The following ZBTB20 variants were observed in gnomAD, a reference collection of about 807,000 sequenced individuals.
The protein encoded by ZBTB20 is zinc finger and BTB domain-containing protein 20.
Under a neutral mutation model 56.9 loss-of-function variants are expected in ZBTB20, and 9 were observed. The observed-to-expected ratio is 0.16, with a 90% CI of 0.10 to 0.28. The LOEUF is 0.28. ZBTB20 is among the 10% of genes least tolerant of loss of function. ZBTB20 has a pLI of 1.00. For synonymous variants in ZBTB20, 417 were observed against 420.7 expected, an observed-to-expected ratio of 0.99 and a Z score of 0.11; for missense variants, 655 against 1,003.0, an observed-to-expected ratio of 0.65 and a Z score of 4.69.
rs548301141 is a variant in ZBTB20 at position 114,791,531 on chromosome 3, G to A, written c.-343+9570C>T. On this transcript the variant is annotated intron_variant, in intron 5 of 11. Transcript: ENST00000675478. ...GTTAGATGTGGAACCCAGGTTCATA[G>A]CTGTACCTGCCAACCCTAACCTAGA... Among the ~76,000 whole-genome samples, 8 of 152,244 alleles carry A rather than the reference G, an allele frequency of 5.3e-5. No individual in the cohort carries two copies. In the East Asian group the frequency reaches 1.5e-3, roughly 29 times the overall value.
Position 114,515,125 on chromosome 3 carries a change from G to A in ZBTB20, c.-294-14734C>T, listed in dbSNP as rs1050899421. On this transcript the variant is annotated intron_variant, in intron 6 of 11. Transcript: ENST00000675478. ...ATTCTACTTTCTGCATTTTCTCTGA[G>A]ACCTGTCGCATAAGACTTGTTTTGT... 3.9e-5 allele frequency among the ~76,000 whole-genome samples: 6 copies of A among 152,172 alleles called. No individual in the cohort carries two copies. The South Asian group carries it at 8.3e-4, about 21-fold the overall frequency.
chr3:114,870,773 C>T (rs1346019927), intron 4 of ZBTB20, among the ~76,000 whole-genome samples: 11 of 152,098 alleles, frequency 7.2e-5, no homozygotes, highest in Admixed American at 7.2e-4. Flanking sequence ...TTATTCTCCA[C>T]ATGGACAACC....
At position 114,324,700 on chromosome 3, in the gene ZBTB20, TAAG is replaced by T. The variant is rs1414850614; in HGVS notation, c.*14302_*14304del. On this transcript the variant is annotated 3_prime_UTR_variant, in exon 12 of 12. Coordinates refer to ENST00000675478, the MANE Select transcript of ZBTB20 (RefSeq NM_001348800.3). ...TTGTACCTCTTCTTGTGTTATTCCA[TAAG>T]AAGAAAAAACATTCATAGTAGGATT... 3 of 152,156 alleles carry T rather than the reference TAAG, an allele frequency of 2.0e-5. No homozygotes were observed. The allele number at this position is 152,156 out of a possible 1,614,324, so 9.4% of individuals were successfully genotyped here.
At chr3:114,483,858 T>C (rs2041822249) in intron 7 of ZBTB20, among the ~76,000 whole-genome samples, 1 of 152,066 alleles carries the variant, frequency 6.6e-6, no homozygotes, top group Non-Finnish European at 1.5e-5. Flanking sequence ...AACATAATTA[T>C]AGGCCACCTT....
rs1392263160 is a variant in ZBTB20, at chr3:114,317,636, T to C, written c.*21369A>G. On this transcript the variant is annotated 3_prime_UTR_variant, in exon 12 of 12. Coordinates refer to ENST00000675478, the MANE Select transcript of ZBTB20 (RefSeq NM_001348800.3). The stretch of plus-strand genomic sequence containing the variant: ...GGGAATGTGTTAAACAAAAGTTACT[T>C]CTCAAACGATGCCCAAATCTTCCAC... 6.6e-6 allele frequency: 1 copy of C among 152,180 alleles called. No homozygotes were observed. The highest frequency in any genetic ancestry group is 6.5e-5 in the Admixed American group (1 of 15,286). 9.4% of individuals were successfully genotyped at this position (152,180 alleles called of 1,614,324 possible).
chr3:114,881,274 T>G (rs1032165923), intron 4 of ZBTB20, among the ~76,000 whole-genome samples: 5 of 152,090 alleles, frequency 3.3e-5, no homozygotes, highest in African/African-American at 1.2e-4. Context: ...CTGCTTTTTA[T>G]GCTTACAAAA....
Position 114,333,682 on chromosome 3 carries a change from C to CT in ZBTB20, c.*5322dup, listed in dbSNP as rs1271973153. On this transcript the variant is annotated 3_prime_UTR_variant, in exon 12 of 12. Transcript: ENST00000675478. ...TCCTATTTTTCTTTTTTTTTAATTT[C>CT]TTTTTCTGAGGAACAAAATTGGCCA... The CT allele has an allele frequency of 1.3e-5, 2 of 151,448 alleles. No individual in the cohort carries two copies. Among genetic ancestry groups the CT allele is most frequent in the African/African-American group, 4.8e-5 (2 of 41,254 alleles). 9.4% of individuals were successfully genotyped at this position (151,448 alleles called of 1,614,324 possible). A position where few individuals can be genotyped will look rare whatever the true frequency, so the allele number is the denominator to read the frequency against.
chr3:114,487,003 A>C (rs1174498232), intron 7 of ZBTB20, among the ~76,000 whole-genome samples: 1 of 152,228 alleles, frequency 6.6e-6, no homozygotes, highest in African/African-American at 2.4e-5. Context: ...TAATTTTATC[A>C]CTGCAAAGAC....
chr3:114,390,511 T>G (rs1278305084), intron 7 of ZBTB20, among the ~76,000 whole-genome samples: 1 of 152,196 alleles, frequency 6.6e-6, no homozygotes, highest in Non-Finnish European at 1.5e-5. Flanking sequence ...CCCCTATACC[T>G]CAGTCTGCTA....
chr3:114,649,709 G>T (rs1391483270), intron 6 of ZBTB20, among the ~76,000 whole-genome samples: 1 of 151,858 alleles, frequency 6.6e-6, no homozygotes, highest in South Asian at 2.1e-4. Flanking sequence ...TATTGTTGTT[G>T]TTGGTTTGCC....
At chr3:114,534,589 A>G (rs2048250224) in intron 6 of ZBTB20, among the ~76,000 whole-genome samples, 1 of 152,198 alleles carries the variant, frequency 6.6e-6, no homozygotes, top group Non-Finnish European at 1.5e-5. Flanking sequence ...ATGAGACAGA[A>G]AATTAACAAG....
intron 2 of ZBTB20, among the ~76,000 whole-genome samples, chr3:115,027,248 T>A (rs1043464952): frequency 2.0e-5 from 3 of 151,018 alleles, no homozygotes; most frequent in Non-Finnish European, 4.5e-5. Flanking sequence ...GAATAGCTTT[T>A]ACCTTTCTGA....
intron 6 of ZBTB20, among the ~76,000 whole-genome samples, chr3:114,544,550 C>A (rs1467378580): frequency 2.7e-5 from 4 of 149,460 alleles, no homozygotes; most frequent in African/African-American, 7.4e-5. Context: ...GTTGCCCAGG[C>A]TGGAGTGCAG....
chr3:115,109,394 T>C (rs981837351), intron 1 of ZBTB20, among the ~76,000 whole-genome samples: 15 of 152,182 alleles, frequency 9.9e-5, no homozygotes, highest in Admixed American at 6.5e-5. Flanking sequence ...AAAAACTCAA[T>C]AGTCTTCATA....
intron 7 of ZBTB20, among the ~76,000 whole-genome samples, chr3:114,476,693 C>A (rs1452643830): frequency 6.6e-6 from 1 of 152,182 alleles, no homozygotes. Flanking sequence ...GAAGGCAGAG[C>A]CCTCATGACT....
chr3:114,738,684 C>T (rs1481137076), intron 5 of ZBTB20, among the ~76,000 whole-genome samples: 1 of 152,106 alleles, frequency 6.6e-6, no homozygotes, highest in Non-Finnish European at 1.5e-5. Flanking sequence ...AAAACAATAT[C>T]AAAATTTGTA....
intron 5 of ZBTB20, among the ~76,000 whole-genome samples, chr3:114,790,336 A>C (rs1411150001): frequency 2.0e-5 from 3 of 151,980 alleles, no homozygotes; most frequent in African/African-American, 7.3e-5. Context: ...TTTGTTCCCA[A>C]CTCTGTGAAA....
At chr3:114,637,677 T>C (rs1287242595) in intron 6 of ZBTB20, among the ~76,000 whole-genome samples, 3 of 152,094 alleles carry the variant, frequency 2.0e-5, no homozygotes, top group Non-Finnish European at 4.4e-5. Context: ...TCAATAAACA[T>C]CTTCTATGTG....
At chr3:114,360,358 T>TGAGAC (rs2081701724) in intron 10 of ZBTB20, among the ~76,000 whole-genome samples, 1 of 150,564 alleles carries the variant, frequency 6.6e-6, no homozygotes, top group Non-Finnish European at 1.5e-5. Context: ...TTTTTTTTTT[T>TGAGAC]TTTGAGACGG....
Sources: allele counts gnomAD v4.1 joint callset (sites outside exome capture counted in the v4.1 genomes callset), GRCh38; gene constraint gnomAD v4.1.1; transcripts MANE v1.5; gene names NCBI Gene and HGNC (gene_info 2026-07-23, HGNC 2026-07-21).